MACF1: variants seen among roughly 807,000 people sequenced by gnomAD.
The protein encoded by MACF1 is microtubule actin crosslinking factor 1, also known as microtubule-actin cross-linking factor 1.
A neutral mutation model predicts 854.8 loss-of-function variants in MACF1; 193 were observed. The ratio of observed to expected loss-of-function variants is 0.23; its 90% CI spans 0.20 to 0.25. The LOEUF is 0.25. Among genes scored for constraint, MACF1 ranks in the 10% least tolerant of loss-of-function variants. The pLI, the probability that MACF1 is intolerant of heterozygous loss-of-function variation, is 1.00. For missense variants in MACF1, 7,722 were observed against 8,929.1 expected (o/e 0.86, Z 5.45); for synonymous variants, 3,185 against 3,226.7 (o/e 0.99, Z 0.44).
intron 52 of MACF1, among the ~76,000 whole-genome samples, chr1:39,377,303 C>T (rs1267361160): frequency 1.3e-5 from 2 of 152,148 alleles, no homozygotes; most frequent in African/African-American, 2.4e-5. Context: ...TGAGCCACCG[C>T]GCCCGGCCAA....
At chr1:39,341,467 G>A (rs145965479) in intron 40 of MACF1, among the ~76,000 whole-genome samples, 2,946 of 150,930 alleles carry the variant, frequency 0.02, 104 homozygotes, top group African/African-American at 0.069. Flanking sequence ...AGGCCGAGGC[G>A]GGCAGATCAC....
At chr1:39,189,703 C>T (rs555378520) in intron 2 of MACF1, among the ~76,000 whole-genome samples, 1 of 152,128 alleles carries the variant, frequency 6.6e-6, no homozygotes, top group East Asian at 1.9e-4. Flanking sequence ...TTTTTGACTT[C>T]CCCAACAGGA....
At chr1:39,104,756 G>A (rs1642176820) in intron 2 of MACF1, among the ~76,000 whole-genome samples, 1 of 152,142 alleles carries the variant, frequency 6.6e-6, no homozygotes, top group African/African-American at 2.4e-5. Flanking sequence ...AGCTTCTTCT[G>A]TTTCTGGAAA....
chr1:39,351,112 C>A, intron 43 of MACF1, 94 bp downstream of exon 43: 1 of 869,816 alleles, frequency 1.1e-6, no homozygotes, highest in Non-Finnish European at 1.8e-6. Flanking sequence ...AGGCTTATAG[C>A]ATGCACAGAA....
rs75068657 is a variant in MACF1, at chr1:39,114,927, G to A, written c.220+30489G>A. On this transcript the variant is annotated intron_variant, in intron 2 of 93. Coordinates refer to the MACF1 transcript ENST00000361689. ...ACCCTGAGCAAAAAGTTTGGGGAAA[G>A]AGCATTCTGGGCAGCATGAACAGAA... 6.0e-4 allele frequency among the ~76,000 whole-genome samples: 92 copies of A among 152,284 alleles called. No individual in the cohort carries two copies. In the East Asian group the frequency reaches 0.015, roughly 26 times the overall value.
At chr1:39,419,672 G>A (rs1056978168) in intron 58 of MACF1, among the ~76,000 whole-genome samples, 1 of 151,982 alleles carries the variant, frequency 6.6e-6, no homozygotes, top group Non-Finnish European at 1.5e-5. Context: ...CTCTCTTGTT[G>A]CCCAGGCTGG....
Position 39,320,954 on chromosome 1 carries a change from A to G in MACF1, c.4029+1207A>G, listed in dbSNP as rs150567216. Among the ~76,000 whole-genome samples, 15 of 152,280 alleles carry G rather than the reference A, an allele frequency of 9.9e-5. No individual in the cohort carries two copies. The East Asian group carries it at 2.9e-3, about 29-fold the overall frequency. On this transcript the variant is annotated intron_variant, in intron 31 of 100. Transcript: ENST00000564288. ...CTGCACTTCAACCTGGGCAACAGAG[A>G]AAGACTGTGTCTCCAAAAAAAAGAA...
intron 2 of MACF1, among the ~76,000 whole-genome samples, chr1:39,248,123 C>T (rs757473123): frequency 6.6e-6 from 1 of 152,192 alleles, no homozygotes; most frequent in Non-Finnish European, 1.5e-5. Context: ...TATTTCTTTA[C>T]ACACATACAT....
At chr1:39,422,961 T>G in intron 60 of MACF1, 61 bp downstream of exon 60, 1 of 1,474,400 alleles carries the variant, frequency 6.8e-7, no homozygotes, top group Non-Finnish European at 9.4e-7. Context: ...GACAACACAT[T>G]TGCTTATAGT....
rs781342745 is a variant in MACF1 at position 39,331,426 on chromosome 1, G to A, written c.4838G>A (p.Arg1613Gln). The A allele has an allele frequency of 2.0e-5, 33 of 1,613,896 alleles. No homozygotes were observed. In the African/African-American group the frequency reaches 3.2e-4, roughly 16 times the overall value. Residue 1613 changes from arginine (R) to glutamine (Q), a missense_variant, in exon 37 of 101, where the codon CGG becomes CAG. Physicochemically the swap from Arg to Gln is conservative, Grantham distance 43. This residue lies in a region of MACF1 where 1,531 missense variants were observed against 1,601.6 expected (regional missense o/e 0.96). Coordinates refer to ENST00000564288, the MANE Select transcript of MACF1 (RefSeq NM_001394062.1). Reference protein sequence around the residue: ...LINPQMYQQLRELQDALALIS... With the variant: ...LINPQMYQQLQELQDALALIS... ...AATCCCCAGATGTACCAGCAGCTCC[G>A]GGAGCTACAGGATGCCCTGGCCTTA...
chr1:39,219,549 A>G (rs1234497787), intron 1 of MACF1, among the ~76,000 whole-genome samples: 2 of 152,234 alleles, frequency 1.3e-5, no homozygotes, highest in Non-Finnish European at 2.9e-5. Flanking sequence ...TGAGGATAGC[A>G]ATCATTTATA....
chr1:39,477,131 TATATACACAC>T (rs1204618111), intron 97 of MACF1, among the ~76,000 whole-genome samples: 2 of 91,340 alleles, frequency 2.2e-5, no homozygotes, highest in African/African-American at 5.4e-5. Context: ...TATATATATA[TATATACACAC>T]ACACACACAC....
At chr1:39,446,336 GA>G (rs1644230625) in intron 80 of MACF1, among the ~76,000 whole-genome samples, 1 of 150,334 alleles carries the variant, frequency 6.7e-6, no homozygotes, top group Non-Finnish European at 1.5e-5. Context: ...AATATATAAA[GA>G]ATATGTGGAT....
At chr1:39,304,462 G>T (rs750334657) in intron 23 of MACF1, 1 of 1,439,108 alleles carries the variant, frequency 6.9e-7, no homozygotes, top group East Asian at 2.3e-5. Flanking sequence ...ATCCAACAGC[G>T]ACTACTGTTG....
intron 58 of MACF1, chr1:39,414,658 G>A (rs1328580551): frequency 1.2e-5 from 11 of 910,200 alleles, no homozygotes; most frequent in Middle Eastern, 3.4e-4. Flanking sequence ...TTTGTCTGGT[G>A]AAAGACTTTA....
intron 50 of MACF1, 31 bp downstream of exon 50, chr1:39,368,345 G>A (rs1447673133): frequency 6.3e-7 from 1 of 1,589,048 alleles, no homozygotes; most frequent in East Asian, 2.2e-5. Context: ...GTCAGCATTG[G>A]GGAACTATTT....
intron 2 of MACF1, among the ~76,000 whole-genome samples, chr1:39,122,230 A>G (rs921676992): frequency 4.0e-5 from 6 of 151,836 alleles, no homozygotes; most frequent in African/African-American, 1.4e-4. Context: ...TGTACAGTGC[A>G]GCCACTTCTG....
At position 39,251,866 on chromosome 1, in the gene MACF1, C is replaced by T; in HGVS notation, c.282C>T (p.Thr94=). The part of the protein sequence containing the change: ...GIKLEPAGLK[T]LRLVSMPSWC... The stretch of plus-strand genomic sequence containing the variant: ...CAAAGGAGCCAGCAGGGCTGAAGAC[C>T]CTCCGTCTGGTGAGCATGCCCTCCT... Residue 94 remains threonine (T), a synonymous_variant, in exon 4 of 101, where the codon ACC becomes ACT. Transcript: ENST00000564288. 6.7e-7 allele frequency: 1 copy of T among 1,500,528 alleles called. No individual in the cohort carries two copies. The highest frequency in any genetic ancestry group is 8.9e-7 in the Non-Finnish European group (1 of 1,128,796). 93.0% of individuals were successfully genotyped at this position (1,500,528 alleles called of 1,614,324 possible).
In MACF1 at chr1:39,486,799, A is replaced by G. The variant is rs530969215; in HGVS notation, c.*1005A>G. 36 of 152,694 alleles carry G rather than the reference A, an allele frequency of 2.4e-4. No homozygotes were observed. Among genetic ancestry groups the G allele is most frequent in the African/African-American group, 7.5e-4 (31 of 41,558 alleles). The allele number at this position is 152,694 out of a possible 1,614,324, so 9.5% of individuals were successfully genotyped here. On this transcript the variant is annotated 3_prime_UTR_variant, in exon 101 of 101. Coordinates refer to ENST00000564288, the MANE Select transcript of MACF1 (RefSeq NM_001394062.1). ...TCTTTTTTTGTGCGTAATAAAGTCA[A>G]CTGACCAAGTGACCATGAAAAGGGG...
Sources: gnomAD v4.1 joint callset for allele counts (sites outside exome capture counted in the v4.1 genomes callset) on GRCh38, gnomAD v4.1.1 for gene constraint, gnomAD v4.1.1 regional missense constraint, MANE v1.5 for transcripts, NCBI Gene and HGNC (gene_info 2026-07-23, HGNC 2026-07-21) for gene names.